The following QTGAL variants were observed in gnomAD, a reference collection of about 807,000 sequenced individuals.
QTGAL encodes the protein queuosine-tRNA galactosyltransferase, also known as BGnT-like protein 1.
At chr17:82,942,529 G>A in the QTGAL span, 1 of 1,610,398 alleles carries the variant, frequency 6.2e-7, no homozygotes, top group Admixed American at 1.7e-5. Context: ...AGGGAGGCCG[G>A]TGTGGAAAGC....
the QTGAL span, among the ~76,000 whole-genome samples, chr17:82,989,597 A>C: frequency 6.6e-6 from 1 of 152,218 alleles, no homozygotes; most frequent in Non-Finnish European, 1.5e-5. Flanking sequence ...AGATGTACAA[A>C]AAGGACATCT....
the QTGAL span, among the ~76,000 whole-genome samples, chr17:82,996,403 T>TG: frequency 6.6e-6 from 1 of 151,402 alleles, no homozygotes; most frequent in Non-Finnish European, 1.5e-5. Context: ...GCACCTGTAG[T>TG]CCCAGCTGCT....
the QTGAL span, among the ~76,000 whole-genome samples, chr17:82,995,824 C>T: frequency 1.3e-5 from 2 of 152,062 alleles, no homozygotes; most frequent in African/African-American, 2.4e-5. Flanking sequence ...ACAATGAAAA[C>T]TATAAAACAC....
chr17:83,051,723 C>T, the QTGAL span: 57 of 1,485,048 alleles, frequency 3.8e-5, 2 homozygotes, highest in South Asian at 7.0e-4. Flanking sequence ...GGCACCCTCC[C>T]CGCTGGCACC....
the QTGAL span, chr17:82,961,058 C>G: frequency 4.2e-4 from 670 of 1,608,732 alleles, 12 homozygotes; most frequent in South Asian, 6.0e-3. Context: ...CTGACTCACT[C>G]GAGGACGCAG....
At chr17:82,968,161 G>A in the QTGAL span, among the ~76,000 whole-genome samples, 21 of 152,100 alleles carry the variant, frequency 1.4e-4, no homozygotes, top group Admixed American at 1.0e-3. Context: ...GTGTGTTCAC[G>A]GCAGCCCCAG....
At chr17:83,031,154 G>T in the QTGAL span, among the ~76,000 whole-genome samples, 6 of 152,236 alleles carry the variant, frequency 3.9e-5, no homozygotes, top group African/African-American at 7.2e-5. Context: ...CAACCGAGAC[G>T]AGAACACAGC....
chr17:82,956,836 G>C, the QTGAL span: 25 of 1,517,984 alleles, frequency 1.6e-5, no homozygotes, highest in Admixed American at 4.1e-4. This position sits in a 1 kb window ranked among gnomAD's most constrained non-coding sequence, Gnocchi z 5.7. Flanking sequence ...ACGCCCTCAG[G>C]GTGCACGCAG....
the QTGAL span, among the ~76,000 whole-genome samples, chr17:83,045,124 G>A: frequency 0.41 from 61,831 of 151,838 alleles, 12,603 homozygotes; most frequent in East Asian, 0.58. Context: ...AGAGAAATCT[G>A]TTGTTTATCC....
chr17:83,020,340 T>C, the QTGAL span, among the ~76,000 whole-genome samples: 1 of 152,014 alleles, frequency 6.6e-6, no homozygotes, highest in Non-Finnish European at 1.5e-5. Flanking sequence ...GCACACACAA[T>C]TACAAAGCCC....
At chr17:83,032,436 C>T in the QTGAL span, among the ~76,000 whole-genome samples, 9 of 134,764 alleles carry the variant, frequency 6.7e-5, no homozygotes, top group Admixed American at 4.3e-4. Context: ...CGACGCAGAC[C>T]GAACTCGGGA....
At chr17:82,956,010 CA>C in the QTGAL span, among the ~76,000 whole-genome samples, 1 of 118,282 alleles carries the variant, frequency 8.5e-6, no homozygotes, top group South Asian at 2.7e-4. This position sits in a 1 kb window ranked among gnomAD's most constrained non-coding sequence, Gnocchi z 5.7. Context: ...GGGTGGGGGG[CA>C]AGGGGAGGGA....
At chr17:83,010,812 C>T in the QTGAL span, among the ~76,000 whole-genome samples, 2 of 152,196 alleles carry the variant, frequency 1.3e-5, no homozygotes, top group African/African-American at 4.8e-5. Flanking sequence ...CAGGGCACGG[C>T]GGCTCCACCC....
chr17:82,961,523 C>T, the QTGAL span, among the ~76,000 whole-genome samples: 10 of 152,194 alleles, frequency 6.6e-5, no homozygotes, highest in Admixed American at 5.9e-4. Flanking sequence ...AGCCACGGCT[C>T]CTGGATGGCT....
the QTGAL span, among the ~76,000 whole-genome samples, chr17:82,984,048 GA>G: frequency 9.3e-6 from 1 of 106,952 alleles, no homozygotes; most frequent in African/African-American, 3.3e-5. Context: ...GAGCACACAG[GA>G]GAGAGGCCAT....
chr17:82,978,331 G>C, the QTGAL span, among the ~76,000 whole-genome samples: 4 of 152,146 alleles, frequency 2.6e-5, no homozygotes, highest in Non-Finnish European at 4.4e-5. This position sits in a 1 kb window ranked among gnomAD's most constrained non-coding sequence, Gnocchi z 4.8. Context: ...ATCGGAGATG[G>C]ATATGTTGAA....
chr17:82,965,614 C>A, the QTGAL span: 2 of 1,547,074 alleles, frequency 1.3e-6, no homozygotes, highest in Admixed American at 1.9e-5. Flanking sequence ...GGCCCCGAAC[C>A]TGGGGGAGGG....
chr17:83,043,706 C>T, the QTGAL span, among the ~76,000 whole-genome samples: 1 of 152,004 alleles, frequency 6.6e-6, no homozygotes, highest in Non-Finnish European at 1.5e-5. Context: ...AATAGCAAAT[C>T]AACAAAAAGA....
chr17:82,984,233 G>A, the QTGAL span, among the ~76,000 whole-genome samples: 7 of 96,366 alleles, frequency 7.3e-5, no homozygotes, highest in Non-Finnish European at 1.4e-4. Flanking sequence ...GAGGGGAGAG[G>A]CCACGTGAGC....
Sources: allele counts gnomAD v4.1 joint callset (sites outside exome capture counted in the v4.1 genomes callset), GRCh38; gene constraint gnomAD v4.1.1; non-coding constraint Gnocchi (gnomAD v3.1); transcripts MANE v1.5; gene names NCBI Gene and HGNC (gene_info 2026-07-23, HGNC 2026-07-21).